FAM149B1: variants seen among roughly 807,000 people sequenced by gnomAD.
The protein encoded by FAM149B1 is family with sequence similarity 149 member B1.
In FAM149B1, 56 loss-of-function variants were observed where a neutral mutation model predicts 75.3. That is an observed-to-expected ratio of 0.74 (90% CI 0.60 to 0.93). The LOEUF is 0.93. Ranked by LOEUF, FAM149B1 falls within the 40% of genes least tolerant of loss-of-function variation. The pLI is 0.00. For synonymous variants in FAM149B1, 259 were observed against 256.1 expected (o/e 1.01, Z -0.11); for missense variants, 639 against 708.4 (o/e 0.90, Z 1.11).
intron 8 of FAM149B1, 112 bp downstream of exon 8, chr10:73,228,296 A>C (rs2043603017): frequency 4.8e-6 from 4 of 825,292 alleles, no homozygotes; most frequent in Non-Finnish European, 7.7e-6. Flanking sequence ...GTTTTAGTAC[A>C]GTTATGTGTT....
At chr10:73,200,414 T>A in intron 5 of FAM149B1, 1 of 608,122 alleles carries the variant, frequency 1.6e-6, no homozygotes, top group Non-Finnish European at 3.2e-6. Flanking sequence ...CTGTCATGCC[T>A]GCATTGGTGG....
intron 7 of FAM149B1, among the ~76,000 whole-genome samples, chr10:73,216,579 G>A (rs1338910950): frequency 6.6e-6 from 1 of 152,140 alleles, no homozygotes; most frequent in East Asian, 1.9e-4. Flanking sequence ...CCTCTCTTAG[G>A]TGAGCAGTAT....
intron 7 of FAM149B1, among the ~76,000 whole-genome samples, chr10:73,215,599 T>G (rs1436660735): frequency 2.0e-5 from 3 of 152,200 alleles, no homozygotes; most frequent in Non-Finnish European, 2.9e-5. Flanking sequence ...TCCTACAGGT[T>G]TTAATAGATT....
chr10:73,216,586 G>A (rs2043303847), intron 7 of FAM149B1, among the ~76,000 whole-genome samples: 1 of 152,194 alleles, frequency 6.6e-6, no homozygotes, highest in African/African-American at 2.4e-5. Flanking sequence ...TAGGTGAGCA[G>A]TATGAGCAAG....
intron 8 of FAM149B1, among the ~76,000 whole-genome samples, chr10:73,228,634 G>T (rs1427183319): frequency 6.6e-6 from 1 of 151,720 alleles, no homozygotes; most frequent in African/African-American, 2.4e-5. Flanking sequence ...GTCTCGCTCT[G>T]TCACCCAGGC....
chr10:73,201,101 A>T lies in FAM149B1; in HGVS notation c.542+7508A>T, dbSNP rs146149761. 5 of 278,542 alleles carry T rather than the reference A, an allele frequency of 1.8e-5. No homozygotes were observed. The South Asian group carries it at 2.4e-4, about 13-fold the overall frequency. The allele number at this position is 278,542 out of a possible 1,614,324, so 17.3% of individuals were successfully genotyped here. On this transcript the variant is annotated intron_variant, in intron 5 of 13. Transcript: ENST00000242505. ...ATTCGCAGAATTGGCAGAGGGGTCA[A>T]TTTGGTAGAAAAGGTGTGGCTAAAA...
intron 3 of FAM149B1, among the ~76,000 whole-genome samples, chr10:73,180,156 G>T (rs2042362906): frequency 6.6e-6 from 1 of 152,158 alleles, no homozygotes; most frequent in South Asian, 2.1e-4. Flanking sequence ...TCATTATCAG[G>T]GATCTCTGGT....
At chr10:73,228,697 A>G (rs1033867678) in intron 8 of FAM149B1, among the ~76,000 whole-genome samples, 1 of 152,036 alleles carries the variant, frequency 6.6e-6, no homozygotes, top group East Asian at 1.9e-4. Context: ...TCCCAGGTTC[A>G]ACCAGTTCTT....
At chr10:73,235,462 A>G (rs2043800626) in intron 12 of FAM149B1, 144 bp downstream of exon 12, 1 of 1,443,636 alleles carries the variant, frequency 6.9e-7, no homozygotes, top group Non-Finnish European at 9.1e-7. Context: ...AGTGTTATAA[A>G]TACATTTTGT....
intron 1 of FAM149B1, 67 bp from the exon 2 acceptor site, chr10:73,174,620 A>T: frequency 8.5e-7 from 1 of 1,182,224 alleles, no homozygotes; most frequent in Non-Finnish European, 1.2e-6. Context: ...ACTAACTTCT[A>T]GATTAAATTA....
chr10:73,207,925 A>C (rs1395371228), intron 5 of FAM149B1, among the ~76,000 whole-genome samples: 7 of 152,228 alleles, frequency 4.6e-5, no homozygotes, highest in Admixed American at 3.9e-4. Context: ...TGGACTTTTG[A>C]ATTAACACTG....
At chr10:73,168,827 G>A in intron 1 of FAM149B1, 1 of 162,048 alleles carries the variant, frequency 6.2e-6, no homozygotes, top group South Asian at 1.6e-4. Flanking sequence ...AAAGATTGTA[G>A]CATGCCAAAG....
intron 1 of FAM149B1, among the ~76,000 whole-genome samples, chr10:73,171,404 T>G (rs986635100): frequency 3.3e-5 from 5 of 152,210 alleles, no homozygotes; most frequent in Non-Finnish European, 7.3e-5. Flanking sequence ...AATGATAACC[T>G]GCTTTGAAGC....
At chr10:73,219,344 C>T (rs2043359232) in intron 7 of FAM149B1, among the ~76,000 whole-genome samples, 1 of 152,102 alleles carries the variant, frequency 6.6e-6, no homozygotes, top group African/African-American at 2.4e-5. Context: ...AATAGATCTA[C>T]AGTTTCAGTA....
chr10:73,210,714 G>A (rs1233459819), intron 7 of FAM149B1, among the ~76,000 whole-genome samples: 3 of 151,798 alleles, frequency 2.0e-5, no homozygotes, highest in African/African-American at 7.3e-5. Context: ...TTCCAGCTAC[G>A]CAAGAGACTG....
At chr10:73,194,371 G>T (rs896796305) in intron 5 of FAM149B1, among the ~76,000 whole-genome samples, 3 of 152,042 alleles carry the variant, frequency 2.0e-5, no homozygotes, top group Non-Finnish European at 2.9e-5. Context: ...TGAAAAAAAA[G>T]TTGAAAAAGT....
chr10:73,191,328 G>A (rs1157302711), intron 3 of FAM149B1, among the ~76,000 whole-genome samples: 5 of 141,336 alleles, frequency 3.5e-5, no homozygotes, highest in Non-Finnish European at 7.7e-5. Flanking sequence ...TGAGTCACCC[G>A]CCTTGGCCTT....
intron 3 of FAM149B1, among the ~76,000 whole-genome samples, chr10:73,180,520 G>A (rs374091816): frequency 7.9e-5 from 12 of 152,258 alleles, no homozygotes; most frequent in African/African-American, 2.4e-4. Context: ...ATTATGATTT[G>A]TATCTCTTTA....
intron 12 of FAM149B1, among the ~76,000 whole-genome samples, chr10:73,236,412 CCT>C (rs1491153770): frequency 7.5e-5 from 11 of 145,866 alleles, no homozygotes; most frequent in African/African-American, 2.3e-4. Context: ...CCAATTTCTG[CCT>C]TTTTTTTTTT....
Sources: allele counts gnomAD v4.1 joint callset (sites outside exome capture counted in the v4.1 genomes callset), GRCh38; gene constraint gnomAD v4.1.1; transcripts MANE v1.5; gene names NCBI Gene and HGNC (gene_info 2026-07-23, HGNC 2026-07-21).